ZNF250: variants seen among roughly 807,000 people sequenced by gnomAD.
ZNF250 encodes the protein zinc finger protein 250, also known as zinc finger protein (clone 647).
In ZNF250, 13 loss-of-function variants were observed where a neutral mutation model predicts 37.1. The ratio of observed to expected loss-of-function variants is 0.35; its 90% CI spans 0.23 to 0.56. ZNF250 has a LOEUF of 0.56. Among genes scored for constraint, ZNF250 ranks in the 20% least tolerant of loss-of-function variants. The pLI, the probability that ZNF250 is intolerant of heterozygous loss-of-function variation, is 0.87. For missense variants in ZNF250, 474 were observed against 697.9 expected, an observed-to-expected ratio of 0.68 and a Z score of 3.61; for synonymous variants, 251 against 265.6, an observed-to-expected ratio of 0.94 and a Z score of 0.54.
At position 144,882,180 on chromosome 8, in the gene ZNF250, T is replaced by G; in HGVS notation, c.1003A>C (p.Arg335=). The change falls in exon 6 of 6, where the codon AGG becomes CGG. Residue 335 remains arginine, a synonymous_variant. Coordinates refer to ENST00000417550, the MANE Select transcript of ZNF250 (RefSeq NM_001109689.4). This position sits in a 1 kb window ranked among gnomAD's most constrained non-coding sequence, Gnocchi z 5.5. Reference sequence around the variant, plus strand: ...AAGGTTTTCCCACACTCATTGCACCTGTGAGGCTTCTCCCCAGTGTGTACC... The same window carrying G: ...AAGGTTTTCCCACACTCATTGCACCGGTGAGGCTTCTCCCCAGTGTGTACC... The part of the protein sequence containing the change: ...QRVHTGEKPH[R]CNECGKTFSV... The G allele has an allele frequency of 1.2e-6, 2 of 1,612,590 alleles. No homozygotes were observed. The highest frequency in any genetic ancestry group is 1.7e-6 in the Non-Finnish European group (2 of 1,179,642).
In ZNF250 at chr8:144,890,118, G is replaced by A. The variant is rs200697907; in HGVS notation, c.43-59C>T. Reference sequence around the variant, plus strand: ...AATCCTGATGTCTGTGATGGGGAGTGGGTGCATGTGACATGTGACATGAGC... The same window carrying A: ...AATCCTGATGTCTGTGATGGGGAGTAGGTGCATGTGACATGTGACATGAGC... On this transcript the variant is annotated intron_variant, in intron 2 of 5. Coordinates refer to ENST00000417550, the MANE Select transcript of ZNF250 (RefSeq NM_001109689.4). This position sits in a 1 kb window ranked among gnomAD's most constrained non-coding sequence, Gnocchi z 5.1. 3.2e-5 allele frequency: 51 copies of A among 1,586,420 alleles called. No homozygotes were observed. Among genetic ancestry groups the A allele is most frequent in the Non-Finnish European group, 4.1e-5 (48 of 1,166,222 alleles).
At chr8:144,898,799 A>C (rs974689110) in intron 1 of ZNF250, among the ~76,000 whole-genome samples, 1 of 152,236 alleles carries the variant, frequency 6.6e-6, no homozygotes, top group African/African-American at 2.4e-5. Context: ...TTTATCAAAA[A>C]AAGACAATAT....
rs1831444065 is a variant in ZNF250, at chr8:144,881,238, T to C, written c.*277A>G. ...AATTCCCTTAGTTCAAATAAACTAATGTTAAAGAATTATGGCTGTTTTTTA... is the reference window on the plus strand; with the variant it reads ...AATTCCCTTAGTTCAAATAAACTAACGTTAAAGAATTATGGCTGTTTTTTA... On this transcript the variant is annotated 3_prime_UTR_variant, in exon 6 of 6. Coordinates refer to ENST00000417550, the MANE Select transcript of ZNF250 (RefSeq NM_001109689.4). 3.1e-6 allele frequency: 1 copy of C among 327,584 alleles called. No individual in the cohort carries two copies. The highest frequency in any genetic ancestry group is 4.4e-5 in the Admixed American group (1 of 22,506). 20.3% of individuals were successfully genotyped at this position (327,584 alleles called of 1,614,324 possible).
At chr8:144,893,995 G>A (rs1371581648) in intron 1 of ZNF250, among the ~76,000 whole-genome samples, 8 of 152,094 alleles carry the variant, frequency 5.3e-5, no homozygotes, top group Non-Finnish European at 1.0e-4. Context: ...GAGCCCAGTA[G>A]CTCTTTTGGT....
chr8:144,900,358 GC>G (rs1833018446), intron 1 of ZNF250, among the ~76,000 whole-genome samples: 1 of 152,068 alleles, frequency 6.6e-6, no homozygotes, highest in Non-Finnish European at 1.5e-5. Context: ...GCCCCCTGCC[GC>G]CCCTGGTGTT....
At chr8:144,888,594 T>TGGCGACAGAG (rs1328435141) in intron 4 of ZNF250, among the ~76,000 whole-genome samples, 2 of 79,076 alleles carry the variant, frequency 2.5e-5, no homozygotes, top group Non-Finnish European at 2.2e-5. Flanking sequence ...CAAGACTGTC[T>TGGCGACAGAG]CAAAAAAAAA....
upstream of ZNF250, chr8:144,901,971 T>A (rs1293109486): frequency 1.3e-5 from 2 of 152,466 alleles, no homozygotes; most frequent in African/African-American, 4.8e-5. The surrounding 1 kb of genome is among the most constrained non-coding windows in gnomAD (Gnocchi z 5.4). Context: ...GAATGTCGCC[T>A]TCTCAGGGGC....
upstream of ZNF250, chr8:144,901,914 C>G (rs533221220): frequency 6.6e-6 from 1 of 152,444 alleles, no homozygotes; most frequent in South Asian, 2.1e-4. This position sits in a 1 kb window ranked among gnomAD's most constrained non-coding sequence, Gnocchi z 5.4. Context: ...CTGCTGGGAA[C>G]GACCTTGCCC....
intron 1 of ZNF250, among the ~76,000 whole-genome samples, chr8:144,900,074 T>C (rs1212212155): frequency 1.3e-5 from 2 of 151,878 alleles, no homozygotes; most frequent in African/African-American, 2.4e-5. Context: ...TGGAAAAAAA[T>C]ATGAGCTGGC....
At chr8:144,885,625 G>A (rs545991890) in intron 5 of ZNF250, among the ~76,000 whole-genome samples, 2 of 152,156 alleles carry the variant, frequency 1.3e-5, no homozygotes, top group East Asian at 3.9e-4. Context: ...CATCATGTCT[G>A]GCTAATTTTT....
In ZNF250 at chr8:144,882,442, C is replaced by T. The variant is rs1831554824; in HGVS notation, c.741G>A (p.Glu247=). 1 of 1,613,992 alleles carries T rather than the reference C, an allele frequency of 6.2e-7. No homozygotes were observed. Among genetic ancestry groups the T allele is most frequent in the African/African-American group, 1.3e-5 (1 of 74,898 alleles). The part of the protein sequence containing the change: ...LSKHRRIHTG[E]KPYECNECGK... The stretch of plus-strand genomic sequence containing the variant: ...CACACTCATTACACTCATAGGGCTT[C>T]TCACCTGTGTGAATTCTCCTGTGTT... Residue 247 remains glutamate (E), a synonymous_variant, in exon 6 of 6, where the codon GAG becomes GAA. Coordinates refer to ENST00000417550, the MANE Select transcript of ZNF250 (RefSeq NM_001109689.4). This position sits in a 1 kb window ranked among gnomAD's most constrained non-coding sequence, Gnocchi z 5.5.
intron 1 of ZNF250, chr8:144,895,021 T>C (rs1832614684): frequency 6.6e-6 from 1 of 152,154 alleles, no homozygotes; most frequent in Non-Finnish European, 1.5e-5. Flanking sequence ...CCATCTGTAA[T>C]AGCCAAGTAC....
chr8:144,885,813 G>A (rs1158269129), intron 5 of ZNF250, among the ~76,000 whole-genome samples: 5 of 152,008 alleles, frequency 3.3e-5, no homozygotes, highest in African/African-American at 9.7e-5. Flanking sequence ...TACTTCTATT[G>A]TCTGAAGTTT....
chr8:144,893,834 C>T (rs12542335), intron 1 of ZNF250, among the ~76,000 whole-genome samples: 11,176 of 152,122 alleles, frequency 0.073, 543 homozygotes, highest in East Asian at 0.14. Context: ...TGTATGACCA[C>T]GAGGCTTTCG....
chr8:144,896,825 T>A (rs1466993968), intron 1 of ZNF250, among the ~76,000 whole-genome samples: 2 of 152,148 alleles, frequency 1.3e-5, no homozygotes, highest in Admixed American at 1.3e-4. Context: ...CTTGAGGCCA[T>A]GCCAACAGCT....
intron 1 of ZNF250, among the ~76,000 whole-genome samples, chr8:144,900,848 C>A (rs1474630020): frequency 2.6e-5 from 4 of 152,160 alleles, no homozygotes; most frequent in East Asian, 1.9e-4. Context: ...GTGCATCAAA[C>A]AGAAAAAACC....
chr8:144,886,622 A>C (rs539233334), intron 5 of ZNF250, among the ~76,000 whole-genome samples: 1 of 152,364 alleles, frequency 6.6e-6, no homozygotes, highest in East Asian at 1.9e-4. Context: ...TTAATTATAA[A>C]AACCCAGTAA....
At chr8:144,901,459 G>C (rs1199539371), upstream of ZNF250, 1 of 152,380 alleles carries the variant, frequency 6.6e-6, no homozygotes, top group African/African-American at 2.4e-5. The surrounding 1 kb of genome is among the most constrained non-coding windows in gnomAD (Gnocchi z 5.4). Flanking sequence ...CAGACAAAGG[G>C]CTGCCCCGCC....
intron 1 of ZNF250, among the ~76,000 whole-genome samples, chr8:144,893,854 ACTC>A (rs1456898016): frequency 6.6e-6 from 1 of 151,532 alleles, no homozygotes; most frequent in Non-Finnish European, 1.5e-5. Flanking sequence ...GACTAGGCTA[ACTC>A]CTCCTCCTAC....
Sources: gnomAD v4.1 joint callset for allele counts (sites outside exome capture counted in the v4.1 genomes callset) on GRCh38, gnomAD v4.1.1 for gene constraint, Gnocchi (gnomAD v3.1) non-coding constraint, MANE v1.5 for transcripts, NCBI Gene and HGNC (gene_info 2026-07-23, HGNC 2026-07-21) for gene names.